ZSCAN5A: variants seen among roughly 807,000 people sequenced by gnomAD.
The protein encoded by ZSCAN5A is zinc finger and SCAN domain-containing protein 5A.
A neutral mutation model predicts 23.7 loss-of-function variants in ZSCAN5A; 12 were observed. The ratio of observed to expected loss-of-function variants is 0.51; its 90% CI spans 0.32 to 0.82. ZSCAN5A has a LOEUF of 0.82. ZSCAN5A is among the 40% of genes least tolerant of loss of function. ZSCAN5A has a pLI of 0.03. For synonymous variants in ZSCAN5A, 257 were observed against 239.9 expected (o/e 1.07, Z -0.66); for missense variants, 597 against 617.9 (o/e 0.97, Z 0.36).
chr19:56,314,008 G>C (rs1021598439), intron 1 of ZSCAN5A, among the ~76,000 whole-genome samples: 2 of 152,190 alleles, frequency 1.3e-5, no homozygotes, highest in African/African-American at 4.8e-5. Context: ...ACGACCAGGA[G>C]CTAGGGGCTG....
chr19:56,244,836 T>A (rs1344637273), intron 2 of ZSCAN5A, among the ~76,000 whole-genome samples: 1 of 151,390 alleles, frequency 6.6e-6, no homozygotes, highest in African/African-American at 2.5e-5. Context: ...TAGAGTGAAC[T>A]GAAGCGGGGC....
chr19:56,258,846 C>T (rs1283485006), intron 2 of ZSCAN5A, among the ~76,000 whole-genome samples: 1 of 152,140 alleles, frequency 6.6e-6, no homozygotes, highest in Admixed American at 6.5e-5. Flanking sequence ...TCAGAAAAGA[C>T]GACACAACCT....
intron 2 of ZSCAN5A, among the ~76,000 whole-genome samples, chr19:56,262,315 G>A (rs755582222): frequency 2.6e-5 from 4 of 151,794 alleles, no homozygotes; most frequent in Non-Finnish European, 4.4e-5. Context: ...CACCGTGCCC[G>A]GCCCACTTTT....
intron 2 of ZSCAN5A, among the ~76,000 whole-genome samples, chr19:56,289,930 G>T (rs954964820): frequency 1.3e-5 from 2 of 152,148 alleles, no homozygotes; most frequent in African/African-American, 2.4e-5. Context: ...AATGTTTCTT[G>T]TACCTCTAAT....
At chr19:56,349,282 T>C (rs2041652632) in intron 2 of ZSCAN5A, among the ~76,000 whole-genome samples, 1 of 152,096 alleles carries the variant, frequency 6.6e-6, no homozygotes, top group Non-Finnish European at 1.5e-5. Flanking sequence ...CTCAACCCCC[T>C]TGGGCAGTAA....
intron 2 of ZSCAN5A, among the ~76,000 whole-genome samples, chr19:56,298,509 C>T (rs1407426646): frequency 2.0e-5 from 3 of 151,862 alleles, no homozygotes; most frequent in Non-Finnish European, 4.4e-5. Flanking sequence ...AAAAATTAGC[C>T]AGGCGTGGTG....
At chr19:56,244,240 T>C in intron 2 of ZSCAN5A, 2 of 1,603,092 alleles carry the variant, frequency 1.2e-6, no homozygotes, top group South Asian at 1.1e-5. Context: ...GGAAACTCAC[T>C]GAGCTGTGCC....
chr19:56,301,775 T>G (rs2040248773), intron 2 of ZSCAN5A, among the ~76,000 whole-genome samples: 1 of 152,130 alleles, frequency 6.6e-6, no homozygotes, highest in South Asian at 2.1e-4. Flanking sequence ...CATTCCTGAC[T>G]GTTTGTCTGG....
intron 2 of ZSCAN5A, among the ~76,000 whole-genome samples, chr19:56,250,732 G>A (rs1021991412): frequency 6.6e-5 from 10 of 152,224 alleles, no homozygotes; most frequent in African/African-American, 1.4e-4. Context: ...CCTACCCAAC[G>A]GCTTTCCACC....
At chr19:56,340,825 A>C (rs2041586824) in intron 2 of ZSCAN5A, 1 of 152,238 alleles carries the variant, frequency 6.6e-6, no homozygotes, top group African/African-American at 2.4e-5. Flanking sequence ...TTGAGAGTTG[A>C]AAATGAGACC....
intron 2 of ZSCAN5A, among the ~76,000 whole-genome samples, chr19:56,254,402 T>G (rs1354414549): frequency 6.6e-6 from 1 of 152,214 alleles, no homozygotes; most frequent in Non-Finnish European, 1.5e-5. Context: ...TTTTTTCTGG[T>G]GTCAAATGAG....
chr19:56,257,331 G>C (rs1002386191), intron 2 of ZSCAN5A, among the ~76,000 whole-genome samples: 1 of 152,172 alleles, frequency 6.6e-6, no homozygotes, highest in Non-Finnish European at 1.5e-5. Context: ...AAGGGAGGCA[G>C]GTGGAGATGA....
intron 2 of ZSCAN5A, among the ~76,000 whole-genome samples, chr19:56,262,798 C>T (rs1228478507): frequency 6.6e-6 from 1 of 152,102 alleles, no homozygotes; most frequent in Admixed American, 6.6e-5. Context: ...ATAGTTCATC[C>T]TTTTTATTGC....
rs2033130509 is a variant in ZSCAN5A, at chr19:56,221,345, C to G, written c.*230G>C. On this transcript the variant is annotated 3_prime_UTR_variant, in exon 6 of 6. Coordinates refer to ENST00000683990, the MANE Select transcript of ZSCAN5A (RefSeq NM_001322064.3). ...ATAAGATGATCGTTTATTGGAAGAA[C>G]AGCAACACAAACCAAAATAAACCTA... The G allele has an allele frequency of 4.2e-6, 2 of 470,856 alleles. No individual in the cohort carries two copies. Among genetic ancestry groups the G allele is most frequent in the Non-Finnish European group, 7.3e-6 (2 of 273,110 alleles). The allele number at this position is 470,856 out of a possible 1,614,324, so 29.2% of individuals were successfully genotyped here. A position where few individuals can be genotyped will look rare whatever the true frequency, so the allele number is the denominator to read the frequency against.
chr19:56,350,088 A>G (rs1020474494), intron 2 of ZSCAN5A, among the ~76,000 whole-genome samples: 1 of 152,234 alleles, frequency 6.6e-6, no homozygotes, highest in Admixed American at 6.5e-5. Context: ...TTCTGGTTGT[A>G]AAATTCTAAT....
intron 2 of ZSCAN5A, among the ~76,000 whole-genome samples, chr19:56,288,541 TTCTC>T (rs1173824507): frequency 1.3e-5 from 2 of 152,200 alleles, no homozygotes; most frequent in Non-Finnish European, 2.9e-5. Context: ...TGCTGTCTGC[TTCTC>T]TCTGACTAGT....
intron 2 of ZSCAN5A, among the ~76,000 whole-genome samples, chr19:56,259,941 G>A (rs926979437): frequency 6.6e-6 from 1 of 152,186 alleles, no homozygotes; most frequent in Non-Finnish European, 1.5e-5. Context: ...GCCCTTGCAC[G>A]CCAGCCTGGG....
chr19:56,343,554 T>C (rs2041610616), intron 2 of ZSCAN5A: 26 of 358,160 alleles, frequency 7.3e-5, no homozygotes, highest in South Asian at 5.7e-4. Context: ...ACAACAACCC[T>C]GAGAGAGGTA....
chr19:56,331,515 T>C (rs1228130652), intron 2 of ZSCAN5A, among the ~76,000 whole-genome samples: 4 of 151,452 alleles, frequency 2.6e-5, no homozygotes, highest in African/African-American at 9.7e-5. Flanking sequence ...TGTTTCACCT[T>C]CTTGGTTATA....
Sources: gnomAD v4.1 joint callset for allele counts (sites outside exome capture counted in the v4.1 genomes callset) on GRCh38, gnomAD v4.1.1 for gene constraint, MANE v1.5 for transcripts, NCBI Gene and HGNC (gene_info 2026-07-23, HGNC 2026-07-21) for gene names.